Variants in CGNL1 observed in about 807,000 individuals in gnomAD.
CGNL1 encodes cingulin-like protein 1.
In CGNL1, 132 loss-of-function variants were observed where a neutral mutation model predicts 141.2. That is an observed-to-expected ratio of 0.93 (90% CI 0.81 to 1.08). The LOEUF (loss-of-function observed/expected upper bound fraction) is 1.08. Ranked by LOEUF, CGNL1 falls within the 50% of genes least tolerant of loss-of-function variation. The probability of loss-of-function intolerance (pLI) is 0.00; values close to 1 mark genes in which losing one functional copy is unlikely to be tolerated. For synonymous variants in CGNL1, 690 were observed against 622.1 expected (o/e 1.11, Z -1.63); for missense variants, 1,870 against 1,588.6 (o/e 1.18, Z -3.01).
intron 1 of CGNL1, among the ~76,000 whole-genome samples, chr15:57,386,166 T>C (rs2062480367): frequency 6.6e-6 from 1 of 152,238 alleles, no homozygotes; most frequent in Admixed American, 6.5e-5. Context: ...TACATATAAA[T>C]AGCCATGCTA....
intron 1 of CGNL1, among the ~76,000 whole-genome samples, chr15:57,425,696 G>A (rs1400342176): frequency 6.8e-6 from 1 of 146,530 alleles, no homozygotes; most frequent in Non-Finnish European, 1.5e-5. Flanking sequence ...AGCTGAGGCT[G>A]TGCCACTGCA....
At chr15:57,416,205 T>G (rs1029833795) in intron 1 of CGNL1, among the ~76,000 whole-genome samples, 4 of 141,864 alleles carry the variant, frequency 2.8e-5, no homozygotes, top group Admixed American at 6.9e-5. Flanking sequence ...GTGTTTTTTT[T>G]TTTTTTTTTT....
At chr15:57,459,663 G>A (rs995039405) in intron 7 of CGNL1, among the ~76,000 whole-genome samples, 2 of 152,200 alleles carry the variant, frequency 1.3e-5, no homozygotes, top group Non-Finnish European at 2.9e-5. Flanking sequence ...AGGAGGTGAG[G>A]AGGGCTTTAC....
At chr15:57,444,632 G>T (rs1281275380) in intron 4 of CGNL1, among the ~76,000 whole-genome samples, 2 of 152,142 alleles carry the variant, frequency 1.3e-5, no homozygotes, top group African/African-American at 4.8e-5. Flanking sequence ...CACTAATGGT[G>T]CCCCAAGAGA....
At chr15:57,419,753 G>A (rs1365070680) in intron 1 of CGNL1, among the ~76,000 whole-genome samples, 1 of 152,126 alleles carries the variant, frequency 6.6e-6, no homozygotes, top group African/African-American at 2.4e-5. Context: ...GGCTCAATCA[G>A]TGTCTGCCAG....
chr15:57,464,880 G>A (rs1339248040), intron 8 of CGNL1, among the ~76,000 whole-genome samples: 1 of 151,806 alleles, frequency 6.6e-6, no homozygotes, highest in African/African-American at 2.4e-5. Context: ...CTCCCAAGTA[G>A]CTGGGATTAC....
chr15:57,530,524 T>C (rs1259437121), intron 13 of CGNL1, among the ~76,000 whole-genome samples: 4 of 152,226 alleles, frequency 2.6e-5, no homozygotes, highest in African/African-American at 9.6e-5. Context: ...GGACATTTTC[T>C]GTAAACTCAG....
At chr15:57,475,685 A>G (rs2063646598) in intron 8 of CGNL1, among the ~76,000 whole-genome samples, 1 of 152,100 alleles carries the variant, frequency 6.6e-6, no homozygotes, top group African/African-American at 2.4e-5. Context: ...TAATCCTCCC[A>G]GGGCTGTACG....
chr15:57,465,707 C>A (rs1220316429), intron 8 of CGNL1, among the ~76,000 whole-genome samples: 1 of 152,114 alleles, frequency 6.6e-6, no homozygotes, highest in African/African-American at 2.4e-5. Context: ...TTTATTACTT[C>A]AATAGGTCTT....
In CGNL1 at chr15:57,545,682, G is replaced by T; in HGVS notation, c.3591G>T (p.Leu1197Phe). 6.2e-7 allele frequency: 1 copy of T among 1,612,998 alleles called. No individual in the cohort carries two copies. The highest frequency in any genetic ancestry group is 1.1e-5 in the South Asian group (1 of 90,706). ...AGGTGGATGATGAGCACCTGTCATTGACTGATCAGAAGGACCAGGTGGGGA... is the reference window on the plus strand; with the variant it reads ...AGGTGGATGATGAGCACCTGTCATTTACTGATCAGAAGGACCAGGTGGGGA... ...VMQVDDEHLS[L>F]TDQKDQLSLR... is the part of the protein sequence containing the mutation. The change falls in exon 17 of 19, where the codon TTG (leucine) becomes TTT (phenylalanine). Residue 1197 changes from leucine to phenylalanine, a missense_variant. Coordinates refer to ENST00000281282, the MANE Select transcript of CGNL1 (RefSeq NM_032866.5).
intron 4 of CGNL1, among the ~76,000 whole-genome samples, chr15:57,448,823 AT>A (rs1163415210): frequency 3.4e-4 from 50 of 146,342 alleles, no homozygotes; most frequent in Admixed American, 5.4e-4. Flanking sequence ...ATGTCTAAGG[AT>A]TTTTTTTTTT....
intron 1 of CGNL1, among the ~76,000 whole-genome samples, chr15:57,416,500 C>G (rs1474833648): frequency 6.6e-6 from 1 of 152,156 alleles, no homozygotes; most frequent in Non-Finnish European, 1.5e-5. Context: ...ACCCCTCTAT[C>G]CCTGCTGTTA....
intron 8 of CGNL1, among the ~76,000 whole-genome samples, chr15:57,493,631 A>C (rs141094819): frequency 6.6e-6 from 1 of 152,176 alleles, no homozygotes; most frequent in Non-Finnish European, 1.5e-5. Context: ...AAGACGCATG[A>C]GTTAGTAGGA....
At chr15:57,446,994 C>G (rs2063261053) in intron 4 of CGNL1, among the ~76,000 whole-genome samples, 1 of 152,104 alleles carries the variant, frequency 6.6e-6, no homozygotes, top group Non-Finnish European at 1.5e-5. Flanking sequence ...CTTAGCTATT[C>G]TAGGTCTTTT....
chr15:57,487,941 G>C (rs1245874691), intron 8 of CGNL1, among the ~76,000 whole-genome samples: 1 of 152,186 alleles, frequency 6.6e-6, no homozygotes, highest in Non-Finnish European at 1.5e-5. Flanking sequence ...CCTGGGAGTA[G>C]AGTTGCTGGG....
chr15:57,499,057 C>G (rs1395782754), intron 8 of CGNL1, among the ~76,000 whole-genome samples: 4 of 151,888 alleles, frequency 2.6e-5, no homozygotes, highest in Non-Finnish European at 5.9e-5. Context: ...TTCTCCTGCC[C>G]CAGTGTGTGG....
At position 57,438,730 on chromosome 15, in the gene CGNL1, G is replaced by T; in HGVS notation, c.731G>T (p.Arg244Met). 1 of 1,614,174 alleles carries T rather than the reference G, an allele frequency of 6.2e-7. No individual in the cohort carries two copies. The highest frequency in any genetic ancestry group is 8.5e-7 in the Non-Finnish European group (1 of 1,180,046). ...CVNVQSCTKE[R>M]VGEEALFTSG... ...AACGTTCAGAGCTGCACCAAGGAGA[G>T]GGTGGGAGAGGAGGCCCTTTTCACT... The change falls in exon 2 of 19, where the codon AGG becomes ATG. Residue 244 changes from arginine to methionine, a missense_variant. Arg to Met is a moderately conservative substitution (Grantham distance 91). Coordinates refer to ENST00000281282, the MANE Select transcript of CGNL1 (RefSeq NM_032866.5).
intron 7 of CGNL1, among the ~76,000 whole-genome samples, chr15:57,460,631 G>C (rs1050561372): frequency 4.6e-5 from 7 of 152,192 alleles, no homozygotes; most frequent in Non-Finnish European, 7.3e-5. Context: ...ACAGGAGAGA[G>C]AGTGAGCAAA....
chr15:57,477,158 G>T (rs879584761), intron 8 of CGNL1, among the ~76,000 whole-genome samples: 9 of 152,134 alleles, frequency 5.9e-5, no homozygotes, highest in Non-Finnish European at 1.0e-4. Flanking sequence ...GTGCTTCAAA[G>T]ACTTTTTGAA....
Sources: allele counts gnomAD v4.1 joint callset (sites outside exome capture counted in the v4.1 genomes callset), GRCh38; gene constraint gnomAD v4.1.1; transcripts MANE v1.5; gene names NCBI Gene and HGNC (gene_info 2026-07-23, HGNC 2026-07-21).